KLHL1: variants seen among roughly 807,000 people sequenced by gnomAD.
KLHL1 encodes kelch-like protein 1.
KLHL1 carries 47 observed loss-of-function variants against 77.7 expected under a neutral mutation model. That is an observed-to-expected ratio of 0.60 (90% CI 0.48 to 0.77). The LOEUF (loss-of-function observed/expected upper bound fraction) is 0.77, where lower values mean the gene tolerates loss of function less well. KLHL1 is among the 30% of genes least tolerant of loss of function. The pLI is 0.00. For missense variants in KLHL1, 925 were observed against 910.8 expected, an observed-to-expected ratio of 1.02 and a Z score of -0.20; for synonymous variants, 360 against 325.2, an observed-to-expected ratio of 1.11 and a Z score of -1.15.
chr13:69,855,317 TAGATA>T (rs1566329351), intron 5 of KLHL1, among the ~76,000 whole-genome samples: 1 of 134,872 alleles, frequency 7.4e-6, no homozygotes, highest in African/African-American at 2.9e-5. Context: ...GATAGATAGA[TAGATA>T]GATAGATAGA....
intron 4 of KLHL1, among the ~76,000 whole-genome samples, chr13:69,885,833 T>C (rs894413184): frequency 2.0e-5 from 3 of 152,200 alleles, no homozygotes; most frequent in African/African-American, 7.2e-5. Context: ...AAAGTGCAAT[T>C]ATCTGGAAAA....
intron 9 of KLHL1, among the ~76,000 whole-genome samples, chr13:69,712,260 AT>A (rs34483205): frequency 0.81 from 120,630 of 149,042 alleles, 49,601 homozygotes; most frequent in East Asian, 0.99. Flanking sequence ...TTCACACCTC[AT>A]TTTTTTTTTT....
rs376931850 is a variant in KLHL1 at position 70,096,860 on chromosome 13, T to C, written c.497+10343A>G. ...TAGAGGGAATCTTCTCAGCAAAAGA[T>C]AGTAGCAAGAAAAAAGGAAGAAATC... On this transcript the variant is annotated intron_variant, in intron 1 of 10. Transcript: ENST00000377844. 3.9e-5 allele frequency among the ~76,000 whole-genome samples: 6 copies of C among 151,994 alleles called. No homozygotes were observed. In the South Asian group the frequency reaches 6.2e-4, roughly 16 times the overall value.
intron 1 of KLHL1, among the ~76,000 whole-genome samples, chr13:70,104,674 A>G (rs4883859): frequency 0.12 from 18,537 of 152,108 alleles, 1,692 homozygotes; most frequent in East Asian, 0.32. Context: ...TAAATATGAC[A>G]TCATTGTTTG....
chr13:70,014,615 A>G (rs537028597), intron 1 of KLHL1, among the ~76,000 whole-genome samples: 3 of 152,124 alleles, frequency 2.0e-5, no homozygotes, highest in Admixed American at 6.5e-5. Context: ...TCATCCATGC[A>G]TGTATAATGA....
intron 7 of KLHL1, among the ~76,000 whole-genome samples, chr13:69,743,647 A>G (rs991180979): frequency 1.3e-5 from 2 of 151,920 alleles, no homozygotes; most frequent in Non-Finnish European, 2.9e-5. Context: ...TTAGCTGGGC[A>G]TGGTGATGCG....
At chr13:69,789,456 G>A (rs1250289514) in intron 7 of KLHL1, among the ~76,000 whole-genome samples, 13 of 151,896 alleles carry the variant, frequency 8.6e-5, no homozygotes, top group Non-Finnish European at 2.9e-5. Context: ...AGTTTTCCTT[G>A]TAACGTGATG....
At chr13:69,842,452 C>A (rs1043970437) in intron 5 of KLHL1, among the ~76,000 whole-genome samples, 1 of 151,840 alleles carries the variant, frequency 6.6e-6, no homozygotes, top group Non-Finnish European at 1.5e-5. Context: ...TGCTCAACAT[C>A]ATTAATCATC....
At chr13:69,840,786 T>A (rs1162326291) in intron 5 of KLHL1, among the ~76,000 whole-genome samples, 9 of 121,460 alleles carry the variant, frequency 7.4e-5, no homozygotes, top group Middle Eastern at 4.4e-3. Context: ...TTTTAGTAAA[T>A]TTTTTTTTTT....
chr13:69,732,616 G>A (rs1214592678), intron 8 of KLHL1, among the ~76,000 whole-genome samples: 1 of 150,508 alleles, frequency 6.6e-6, no homozygotes, highest in Non-Finnish European at 1.5e-5. Context: ...TGAAAGACTA[G>A]AGGAGAGTAA....
At chr13:69,896,670 A>T (rs918636736) in intron 4 of KLHL1, among the ~76,000 whole-genome samples, 37 of 143,582 alleles carry the variant, frequency 2.6e-4, no homozygotes, top group South Asian at 6.8e-4. Flanking sequence ...AAGTATTAAA[A>T]TTTTTTTTTT....
chr13:70,021,156 C>A (rs1885781463), intron 1 of KLHL1, among the ~76,000 whole-genome samples: 1 of 152,204 alleles, frequency 6.6e-6, no homozygotes, highest in Admixed American at 6.5e-5. Context: ...AGTTCCACTG[C>A]CCTAAAAATC....
At chr13:69,989,172 A>G (rs9529666) in intron 1 of KLHL1, among the ~76,000 whole-genome samples, 108,565 of 151,920 alleles carry the variant, frequency 0.71, 39,133 homozygotes, top group African/African-American at 0.75. Context: ...TCACTTTTCT[A>G]CATGTAGCTA....
intron 5 of KLHL1, among the ~76,000 whole-genome samples, chr13:69,854,047 G>T (rs1366893469): frequency 6.6e-6 from 1 of 151,966 alleles, no homozygotes; most frequent in Non-Finnish European, 1.5e-5. Flanking sequence ...CCTGATCCTA[G>T]AGGCAAAATT....
At chr13:69,731,684 TGCTTTA>T (rs1450008743) in intron 8 of KLHL1, among the ~76,000 whole-genome samples, 2 of 152,218 alleles carry the variant, frequency 1.3e-5, no homozygotes, top group Non-Finnish European at 2.9e-5. Context: ...AGTAGCTATT[TGCTTTA>T]GCTTTTTGTG....
intron 1 of KLHL1, among the ~76,000 whole-genome samples, chr13:69,978,288 C>T (rs1884605301): frequency 1.3e-5 from 2 of 151,336 alleles, no homozygotes; most frequent in Admixed American, 1.3e-4. Flanking sequence ...GCCAAATGGA[C>T]CAAAACTGCT....
intron 1 of KLHL1, among the ~76,000 whole-genome samples, chr13:70,037,561 T>C (rs984739067): frequency 4.6e-5 from 7 of 152,210 alleles, no homozygotes; most frequent in African/African-American, 1.7e-4. Flanking sequence ...TCTTTATTTC[T>C]AAATAACTTT....
chr13:69,849,822 G>C (rs1180510296), intron 5 of KLHL1, among the ~76,000 whole-genome samples: 1 of 151,386 alleles, frequency 6.6e-6, no homozygotes, highest in Non-Finnish European at 1.5e-5. Flanking sequence ...ATTATTTACT[G>C]TCATTCTTGA....
In KLHL1 at chr13:69,852,373, A is replaced by G. The variant is rs1352146940; in HGVS notation, c.1228-13211T>C. ...CGGATGGTAGGATGGTCCCAGAAATACCTTGACACAAATCTTCAGGACAGC... is the reference window on the plus strand; with the variant it reads ...CGGATGGTAGGATGGTCCCAGAAATGCCTTGACACAAATCTTCAGGACAGC... On this transcript the variant is annotated intron_variant, in intron 5 of 10. Transcript: ENST00000377844. Among the ~76,000 whole-genome samples, 5 of 152,054 alleles carry G rather than the reference A, an allele frequency of 3.3e-5. No homozygotes were observed. In the East Asian group the frequency reaches 9.7e-4, roughly 30 times the overall value.
Sources: gnomAD v4.1 joint callset for allele counts (sites outside exome capture counted in the v4.1 genomes callset) on GRCh38, gnomAD v4.1.1 for gene constraint, MANE v1.5 for transcripts, NCBI Gene and HGNC (gene_info 2026-07-23, HGNC 2026-07-21) for gene names.